Variants in WDR45B observed in about 807,000 individuals in gnomAD.
WDR45B encodes WD repeat domain phosphoinositide-interacting protein 3.
A neutral mutation model predicts 44.6 loss-of-function variants in WDR45B; 20 were observed. That is an observed-to-expected ratio of 0.45 (90% CI 0.32 to 0.65). WDR45B has a LOEUF of 0.65. Ranked by LOEUF, WDR45B falls within the 30% of genes least tolerant of loss-of-function variation. WDR45B has a pLI of 0.05. For missense variants in WDR45B, 323 were observed against 430.2 expected, an observed-to-expected ratio of 0.75 and a Z score of 2.20; for synonymous variants, 169 against 164.9, an observed-to-expected ratio of 1.02 and a Z score of -0.19.
At position 82,648,239 on chromosome 17, in the gene WDR45B, C is replaced by T. The variant is rs747292777; in HGVS notation, c.67+35G>A. The T allele has an allele frequency of 4.4e-6, 7 of 1,592,120 alleles. No individual in the cohort carries two copies. In the African/African-American group the frequency reaches 9.6e-5, roughly 22 times the overall value. On this transcript the variant is annotated intron_variant, in intron 1 of 9. Coordinates refer to ENST00000392325, the MANE Select transcript of WDR45B (RefSeq NM_019613.4). ...GGGGACCCCGGGCTGCGGGAAGGCC[C>T]GGCCGGGCAAGGCGACAGGGCCGCG...
chr17:82,633,793 T>C (rs2045798682), intron 2 of WDR45B, among the ~76,000 whole-genome samples: 1 of 152,094 alleles, frequency 6.6e-6, no homozygotes, highest in East Asian at 1.9e-4. Context: ...GGCAGGATGA[T>C]GACTTGAGGC....
At chr17:82,640,358 T>C (rs1257080142) in intron 2 of WDR45B, among the ~76,000 whole-genome samples, 5 of 151,682 alleles carry the variant, frequency 3.3e-5, no homozygotes, top group Non-Finnish European at 7.4e-5. Context: ...TTTTTCTTTT[T>C]TTTTTTTTTT....
intron 8 of WDR45B, 149 bp downstream of exon 8, chr17:82,617,147 A>T: frequency 6.6e-6 from 5 of 761,312 alleles, no homozygotes; most frequent in Non-Finnish European, 6.7e-6. Context: ...AACAAATATA[A>T]AATTAAATGA....
At chr17:82,621,010 A>C (rs923514354) in intron 6 of WDR45B, among the ~76,000 whole-genome samples, 4 of 151,596 alleles carry the variant, frequency 2.6e-5, no homozygotes, top group Admixed American at 2.6e-4. Flanking sequence ...AAGCTGTCAT[A>C]TCTGATCACT....
intron 2 of WDR45B, among the ~76,000 whole-genome samples, chr17:82,631,943 G>A (rs1379212501): frequency 5.9e-5 from 9 of 151,986 alleles, no homozygotes; most frequent in South Asian, 2.1e-4. Context: ...ATTAGCCGGC[G>A]TGGTGGCAGG....
intron 4 of WDR45B, 136 bp downstream of exon 4, chr17:82,627,068 T>C (rs2045707498): frequency 1.2e-6 from 1 of 800,062 alleles, no homozygotes; most frequent in Admixed American, 1.7e-5. Context: ...CTTATATCCT[T>C]ATGGTCATAA....
At chr17:82,619,633 C>T (rs1022123669) in intron 6 of WDR45B, among the ~76,000 whole-genome samples, 5 of 152,178 alleles carry the variant, frequency 3.3e-5, no homozygotes, top group Admixed American at 3.3e-4. Context: ...AAGAGGTGCC[C>T]AAGACCTCAG....
rs989743689 is a variant in WDR45B, at chr17:82,615,719, T to C, written c.*200A>G. ...AGCTGGTCACAGCCACTGAGTTACC[T>C]ACGGTGCCTTGATGATGATTCTCTC... On this transcript the variant is annotated 3_prime_UTR_variant, in exon 10 of 10. Transcript: ENST00000392325. The C allele has an allele frequency of 1.3e-4, 79 of 601,158 alleles. No individual in the cohort carries two copies. The highest frequency in any genetic ancestry group is 4.3e-4 in the South Asian group (23 of 53,234). The allele number at this position is 601,158 out of a possible 1,614,324, so 37.2% of individuals were successfully genotyped here. A position where few individuals can be genotyped will look rare whatever the true frequency, so the allele number is the denominator to read the frequency against.
Position 82,615,625 on chromosome 17 carries a change from G to A in WDR45B, c.*294C>T, listed in dbSNP as rs2045521633. ...CCGTATGGAGCCCCCGTCAGTGTGA[G>A]GATGCGGCGGAGCCACTGAAGCTAA... On this transcript the variant is annotated 3_prime_UTR_variant, in exon 10 of 10. Transcript: ENST00000392325. 2 of 464,278 alleles carry A rather than the reference G, an allele frequency of 4.3e-6. No individual in the cohort carries two copies. Among genetic ancestry groups the A allele is most frequent in the African/African-American group, 4.0e-5 (2 of 50,528 alleles). 28.8% of individuals were successfully genotyped at this position (464,278 alleles called of 1,614,324 possible). A position where few individuals can be genotyped will look rare whatever the true frequency, so the allele number is the denominator to read the frequency against.
chr17:82,634,066 G>A (rs1324071991), intron 2 of WDR45B, among the ~76,000 whole-genome samples: 1 of 140,620 alleles, frequency 7.1e-6, no homozygotes, highest in Admixed American at 7.8e-5. Flanking sequence ...CAGGAGAATC[G>A]CTTGAACCCG....
At chr17:82,635,955 C>T (rs965504532) in intron 2 of WDR45B, among the ~76,000 whole-genome samples, 6 of 151,888 alleles carry the variant, frequency 4.0e-5, no homozygotes, top group Non-Finnish European at 8.8e-5. Context: ...GGTGTGGTGG[C>T]GCATGCCTAT....
chr17:82,622,749 G>A (rs1392638852), intron 5 of WDR45B, among the ~76,000 whole-genome samples: 3 of 150,522 alleles, frequency 2.0e-5, no homozygotes, highest in African/African-American at 7.3e-5. Flanking sequence ...AAAGTAAGAA[G>A]ATTGCAAGAC....
intron 1 of WDR45B, among the ~76,000 whole-genome samples, chr17:82,647,392 C>G (rs931977194): frequency 6.6e-6 from 1 of 152,182 alleles, no homozygotes; most frequent in Non-Finnish European, 1.5e-5. Context: ...TTGGGAAGCG[C>G]GCCCTTCAAA....
chr17:82,640,397 C>A (rs2045898709), intron 2 of WDR45B, among the ~76,000 whole-genome samples: 1 of 150,764 alleles, frequency 6.6e-6, no homozygotes, highest in Non-Finnish European at 1.5e-5. Flanking sequence ...TGCCATCAGG[C>A]TGCAGTGCAG....
chr17:82,639,589 C>T (rs896753329), intron 2 of WDR45B, among the ~76,000 whole-genome samples: 3 of 150,928 alleles, frequency 2.0e-5, no homozygotes, highest in Non-Finnish European at 2.9e-5. Context: ...TCACCTGGCA[C>T]GCTGGGTGAG....
chr17:82,646,607 G>A (rs1214737569), intron 1 of WDR45B, among the ~76,000 whole-genome samples: 1 of 151,996 alleles, frequency 6.6e-6, no homozygotes, highest in Non-Finnish European at 1.5e-5. Flanking sequence ...GTCAGGTAGG[G>A]AGCATTTATT....
At chr17:82,642,809 G>A (rs1387685839) in intron 2 of WDR45B, among the ~76,000 whole-genome samples, 2 of 152,156 alleles carry the variant, frequency 1.3e-5, no homozygotes, top group Non-Finnish European at 1.5e-5. Flanking sequence ...ACATGGCTGG[G>A]GGGTTTTTCC....
chr17:82,618,997 C>T (rs2045576917), intron 7 of WDR45B, 46 bp downstream of exon 7: 4 of 1,586,138 alleles, frequency 2.5e-6, no homozygotes, highest in Non-Finnish European at 3.5e-6. Context: ...CACTTCCGTG[C>T]TGTCAGCCCG....
intron 2 of WDR45B, among the ~76,000 whole-genome samples, chr17:82,635,877 C>T (rs1359002625): frequency 6.6e-6 from 1 of 151,528 alleles, no homozygotes; most frequent in Non-Finnish European, 1.5e-5. Context: ...TCCCTCAGGT[C>T]GGGAGTTCAA....
Sources: gnomAD v4.1 joint callset for allele counts (sites outside exome capture counted in the v4.1 genomes callset) on GRCh38, gnomAD v4.1.1 for gene constraint, MANE v1.5 for transcripts, NCBI Gene and HGNC (gene_info 2026-07-23, HGNC 2026-07-21) for gene names.